ERICH1: variants seen among roughly 807,000 people sequenced by gnomAD.
ERICH1 encodes glutamate rich 1.
ERICH1 carries 56 observed loss-of-function variants against 39.6 expected under a neutral mutation model. The observed-to-expected ratio is 1.41, with a 90% CI of 1.14 to 1.77. The LOEUF (loss-of-function observed/expected upper bound fraction) is 1.77. ERICH1 is among the 40% of genes most tolerant of loss of function. The pLI is 0.00. For missense variants in ERICH1, 826 were observed against 575.4 expected (o/e 1.44, Z -4.45); for synonymous variants, 313 against 223.6 (o/e 1.40, Z -3.57).
chr8:711,625 G>C (rs554168409), intron 2 of ERICH1, among the ~76,000 whole-genome samples: 19 of 152,094 alleles, frequency 1.2e-4, no homozygotes, highest in Middle Eastern at 3.4e-3. Context: ...AGCCTACCGA[G>C]TGGCTGGGAC....
intron 3 of ERICH1, among the ~76,000 whole-genome samples, chr8:632,851 G>A (rs913717836): frequency 1.8e-4 from 27 of 152,308 alleles, no homozygotes; most frequent in Non-Finnish European, 2.9e-5. Context: ...TGGGGGTGTC[G>A]TTGTCATCTG....
chr8:705,701 C>G (rs1435474142), intron 2 of ERICH1, among the ~76,000 whole-genome samples: 1 of 152,098 alleles, frequency 6.6e-6, no homozygotes, highest in African/African-American at 2.4e-5. Context: ...ACAACAACAA[C>G]AAAAGGAAGC....
intron 3 of ERICH1, among the ~76,000 whole-genome samples, chr8:619,533 G>C (rs947507272): frequency 6.6e-6 from 1 of 152,218 alleles, no homozygotes. Flanking sequence ...AATGACATCA[G>C]ATAGTAACCA....
intron 5 of ERICH1, 86 bp from the exon 6 acceptor site, chr8:664,762 G>A: frequency 5.3e-6 from 6 of 1,126,966 alleles, no homozygotes; most frequent in South Asian, 2.9e-5. Flanking sequence ...ACGAGCCTTT[G>A]GGCCCAAAGT....
chr8:662,344 T>G (rs1203472442), downstream of ERICH1, among the ~76,000 whole-genome samples: 1 of 152,258 alleles, frequency 6.6e-6, no homozygotes, highest in Non-Finnish European at 1.5e-5. Context: ...GCAAAGCATG[T>G]GCTATTAATT....
intron 3 of ERICH1, among the ~76,000 whole-genome samples, chr8:688,167 C>T (rs900436053): frequency 6.6e-6 from 1 of 151,852 alleles, no homozygotes; most frequent in Non-Finnish European, 1.5e-5. Context: ...CCCTCAAGGC[C>T]GTGGCGAGCC....
intron 3 of ERICH1, among the ~76,000 whole-genome samples, chr8:617,389 C>T (rs62483939): frequency 2.0e-5 from 3 of 152,212 alleles, no homozygotes; most frequent in African/African-American, 4.8e-5. Context: ...GTTCTCAGCA[C>T]TGATCACTCC....
At chr8:618,965 G>C (rs1797106206) in intron 3 of ERICH1, among the ~76,000 whole-genome samples, 1 of 152,148 alleles carries the variant, frequency 6.6e-6, no homozygotes. Flanking sequence ...TAAAGTCTCT[G>C]AAATTATCCT....
At chr8:620,604 A>G (rs1797222645) in intron 3 of ERICH1, among the ~76,000 whole-genome samples, 1 of 152,248 alleles carries the variant, frequency 6.6e-6, no homozygotes. Flanking sequence ...GTTAAAGAAC[A>G]GAAAAACATA....
intron 3 of ERICH1, among the ~76,000 whole-genome samples, chr8:636,953 G>A (rs1798486373): frequency 1.3e-5 from 2 of 152,210 alleles, no homozygotes; most frequent in Admixed American, 1.3e-4. Flanking sequence ...TTCCCAGCCT[G>A]CACAGTCCAC....
intron 1 of ERICH1, among the ~76,000 whole-genome samples, chr8:720,564 G>C (rs926380183): frequency 7.9e-5 from 12 of 152,174 alleles, no homozygotes; most frequent in Non-Finnish European, 7.3e-5. Flanking sequence ...GGTGGGAGTG[G>C]GAAGAAGGCC....
chr8:634,168 C>CAAAAAAAAAA (rs56687918), intron 3 of ERICH1, among the ~76,000 whole-genome samples: 11 of 91,972 alleles, frequency 1.2e-4, no homozygotes, highest in South Asian at 6.8e-4. Flanking sequence ...TCCTAAAACT[C>CAAAAAAAAAA]AAAAAAAAAA....
At chr8:643,321 G>C (rs1799232210) in intron 3 of ERICH1, among the ~76,000 whole-genome samples, 1 of 152,242 alleles carries the variant, frequency 6.6e-6, no homozygotes, top group African/African-American at 2.4e-5. Context: ...AGCTGGCCAG[G>C]CGCAGGCTGC....
intron 3 of ERICH1, among the ~76,000 whole-genome samples, chr8:682,976 G>C (rs968832588): frequency 1.3e-5 from 2 of 152,226 alleles, no homozygotes; most frequent in African/African-American, 4.8e-5. Flanking sequence ...ACCTGTGAAA[G>C]CAGATCTTTA....
intron 3 of ERICH1, among the ~76,000 whole-genome samples, chr8:621,722 A>G (rs188194707): frequency 4.6e-5 from 7 of 152,146 alleles, no homozygotes; most frequent in African/African-American, 1.7e-4. Flanking sequence ...AAAGAGAGGG[A>G]CTAAATTACC....
intron 2 of ERICH1, among the ~76,000 whole-genome samples, chr8:709,663 A>G (rs1365057569): frequency 6.6e-6 from 1 of 152,240 alleles, no homozygotes; most frequent in African/African-American, 2.4e-5. Context: ...ACGTCACCCA[A>G]AGGATCACCA....
At chr8:661,186 C>T (rs969025680), downstream of ERICH1, among the ~76,000 whole-genome samples, 1 of 151,904 alleles carries the variant, frequency 6.6e-6, no homozygotes, top group Admixed American at 6.6e-5. Context: ...CACATTCCTG[C>T]GATTCTCTGA....
At chr8:712,659 AATCTCCTGACCCTGTG>A (rs1815017862) in intron 2 of ERICH1, among the ~76,000 whole-genome samples, 1 of 152,044 alleles carries the variant, frequency 6.6e-6, no homozygotes, top group South Asian at 2.1e-4. Context: ...GGATGGTCTC[AATCTCCTGACCCTGTG>A]ATCCGCCCAC....
intron 2 of ERICH1, among the ~76,000 whole-genome samples, chr8:694,028 C>G (rs543803675): frequency 6.6e-6 from 1 of 152,188 alleles, no homozygotes; most frequent in African/African-American, 2.4e-5. Flanking sequence ...TGCTCTTGCA[C>G]GTGACAAACA....
Sources: gnomAD v4.1 joint callset for allele counts (sites outside exome capture counted in the v4.1 genomes callset) on GRCh38, gnomAD v4.1.1 for gene constraint, MANE v1.5 for transcripts, NCBI Gene and HGNC (gene_info 2026-07-23, HGNC 2026-07-21) for gene names.